Variants in UGT1A3 observed in about 807,000 individuals in gnomAD.
UGT1A3 encodes UDP glucuronosyltransferase family 1 member A3, also known as UDP-glucuronosyltransferase 1A3.
A neutral mutation model predicts 41.0 loss-of-function variants in UGT1A3; 31 were observed. The ratio of observed to expected loss-of-function variants is 0.76; its 90% confidence interval spans 0.57 to 1.02. The LOEUF (loss-of-function observed/expected upper bound fraction) is 1.02, where lower values mean the gene tolerates loss of function less well. Ranked by LOEUF, UGT1A3 falls within the 50% of genes least tolerant of loss-of-function variation. The probability of loss-of-function intolerance (pLI) is 0.00; values close to 1 mark genes in which losing one functional copy is unlikely to be tolerated. For synonymous variants in UGT1A3, 262 were observed against 257.6 expected (o/e 1.02, Z -0.17); for missense variants, 737 against 671.0 (o/e 1.10, Z -1.09).
At chr2:233,740,826 G>C (rs1278219127) in intron 1 of UGT1A3, 2 of 151,802 alleles carry the variant, frequency 1.3e-5, no homozygotes, top group Non-Finnish European at 2.9e-5. Flanking sequence ...TTTGAGCTGA[G>C]ACATTTTAAA....
At chr2:233,754,325 C>T (rs537557157) in intron 1 of UGT1A3, 54 of 246,030 alleles carry the variant, frequency 2.2e-4, no homozygotes, top group African/African-American at 1.1e-3. Flanking sequence ...CTGCCTCAGG[C>T]TTAAGTTTAA....
chr2:233,757,608 A>G (rs1273740652), intron 1 of UGT1A3, among the ~76,000 whole-genome samples: 6 of 144,098 alleles, frequency 4.2e-5, no homozygotes, highest in Non-Finnish European at 9.0e-5. Flanking sequence ...AGATATGCAA[A>G]CTGCTAAAAG....
intron 1 of UGT1A3, chr2:233,760,886 A>C (rs1453639780): frequency 8.7e-6 from 14 of 1,613,816 alleles, no homozygotes; most frequent in Non-Finnish European, 1.1e-5. Flanking sequence ...CTCTCCTCTC[A>C]TTCAGATCAC....
intron 1 of UGT1A3, among the ~76,000 whole-genome samples, chr2:233,733,067 T>G (rs1039618890): frequency 2.0e-5 from 3 of 152,180 alleles, no homozygotes; most frequent in Non-Finnish European, 4.4e-5. Flanking sequence ...ATTCTCTTTG[T>G]AGCAATTGTG....
At chr2:233,742,777 T>A (rs1286853753) in intron 1 of UGT1A3, 2 of 153,196 alleles carry the variant, frequency 1.3e-5, no homozygotes, top group African/African-American at 4.8e-5. Context: ...CATGTTGTTT[T>A]GAACCATCAT....
rs34036745 is a variant in UGT1A3, at chr2:233,769,465, G to T, written c.1307+1026G>T. On this transcript the variant is annotated intron_variant, in intron 4 of 4. Transcript: ENST00000482026. The surrounding 1 kb of genome is among the most constrained non-coding windows in gnomAD (Gnocchi z 4.4). Reference sequence around the variant, plus strand: ...GGTGCACACGTGTGCATTCATATGCGTGTGTGTGTGTGTGCGTGTGTTTAT... The same window carrying T: ...GGTGCACACGTGTGCATTCATATGCTTGTGTGTGTGTGTGCGTGTGTTTAT... 1.5e-6 allele frequency: 2 copies of T among 1,316,538 alleles called. No homozygotes were observed. Among genetic ancestry groups the T allele is most frequent in the Non-Finnish European group, 2.1e-6 (2 of 963,564 alleles). 81.6% of individuals were successfully genotyped at this position (1,316,538 alleles called of 1,614,324 possible).
chr2:233,772,368 G>C lies in UGT1A3; in HGVS notation c.1414G>C (p.Ala472Pro). Reference protein sequence around the residue: ...WVEFVMRHKGAPHLRPAAHDL... With the variant: ...WVEFVMRHKGPPHLRPAAHDL... Reference sequence around the variant, plus strand: ...GGAGTTTGTGATGAGGCACAAGGGCGCGCCACACCTGCGCCCCGCAGCCCA... The same window carrying C: ...GGAGTTTGTGATGAGGCACAAGGGCCCGCCACACCTGCGCCCCGCAGCCCA... Residue 472 changes from alanine (A) to proline (P), a missense_variant, in exon 5 of 5, where the codon GCG (alanine) becomes CCG (proline). Coordinates refer to ENST00000482026, the MANE Select transcript of UGT1A3 (RefSeq NM_019093.4). 6.2e-7 allele frequency: 1 copy of C among 1,614,220 alleles called. No homozygotes were observed. The highest frequency in any genetic ancestry group is 1.1e-5 in the South Asian group (1 of 91,078).
Position 233,751,308 on chromosome 2 carries a change from C to T in UGT1A3, c.868-15726C>T, listed in dbSNP as rs184289670. ...CCCATTTGGAATGGGAATATTTACC[C>T]AATTTCTGTACCCCCATTGTGTCTT... On this transcript the variant is annotated intron_variant, in intron 1 of 4. Coordinates refer to ENST00000482026, the MANE Select transcript of UGT1A3 (RefSeq NM_019093.4). Among the ~76,000 whole-genome samples the T allele has an allele frequency of 1.2e-3, 189 of 152,106 alleles. 2 individuals carry two copies. Among genetic ancestry groups the T allele is most frequent in the African/African-American group, 4.3e-3 (176 of 41,336 alleles).
chr2:233,747,574 CT>C, intron 1 of UGT1A3: 1 of 1,587,022 alleles, frequency 6.3e-7, no homozygotes, highest in Non-Finnish European at 8.7e-7. Flanking sequence ...AAAAATTCAT[CT>C]TTGGTCTTTC....
chr2:233,745,697 C>A (rs1481234082), intron 1 of UGT1A3, among the ~76,000 whole-genome samples: 2 of 147,560 alleles, frequency 1.4e-5, no homozygotes, highest in African/African-American at 5.1e-5. Flanking sequence ...GTTTGGAGAA[C>A]AACAAGTGAT....
intron 1 of UGT1A3, among the ~76,000 whole-genome samples, chr2:233,745,825 G>A (rs1307073963): frequency 2.0e-5 from 3 of 151,398 alleles, no homozygotes; most frequent in Non-Finnish European, 2.9e-5. Context: ...GCAAGGCAGA[G>A]GACTCTGAAT....
In UGT1A3 at chr2:233,768,243, A is replaced by G. The variant is rs748989741; in HGVS notation, c.1111A>G (p.Ile371Val). 8 of 1,614,146 alleles carry G rather than the reference A, an allele frequency of 5.0e-6. No individual in the cohort carries two copies. In the South Asian group the frequency reaches 7.7e-5, roughly 16 times the overall value. Residue 371 changes from isoleucine (I) to valine (V), a missense_variant, in exon 4 of 5, where the codon ATC (isoleucine) becomes GTC (valine). Ile to Val is a conservative substitution (Grantham distance 29). Transcript: ENST00000482026. ...LLGHPMTRAF[I>V]THAGSHGVYE... is the part of the protein sequence containing the mutation. ...AGGTCACCCGATGACCCGTGCCTTT[A>G]TCACCCATGCTGGTTCCCATGGTGT...
At chr2:233,760,549 G>A (rs2125985791) in intron 1 of UGT1A3, 1 of 1,614,268 alleles carries the variant, frequency 6.2e-7, no homozygotes, top group Non-Finnish European at 8.5e-7. Context: ...AAGGGAGGAT[G>A]TGAAAGAGTC....
At chr2:233,740,309 G>A (rs1460267947) in intron 1 of UGT1A3, among the ~76,000 whole-genome samples, 2 of 151,928 alleles carry the variant, frequency 1.3e-5, no homozygotes, top group African/African-American at 4.9e-5. Context: ...CTGAGAAAAG[G>A]AAATGAATCT....
intron 1 of UGT1A3, among the ~76,000 whole-genome samples, chr2:233,752,750 C>CAA (rs1695052572): frequency 6.6e-6 from 1 of 151,980 alleles, no homozygotes; most frequent in Non-Finnish European, 1.5e-5. Context: ...GTCTCTAAAA[C>CAA]AAACAAACAA....
In UGT1A3 at chr2:233,752,546, T is replaced by C. The variant is rs530394828; in HGVS notation, c.868-14488T>C. ...TAAAAATTCTTTAAATAAAATGCTC[T>C]TGCTGGGACAACATAGTGGGTCAAC... is the stretch of plus-strand genomic sequence containing the variant. On this transcript the variant is annotated intron_variant, in intron 1 of 4. Coordinates refer to ENST00000482026, the MANE Select transcript of UGT1A3 (RefSeq NM_019093.4). The C allele has an allele frequency of 2.0e-5, 3 of 152,346 alleles. No homozygotes were observed. The East Asian group carries it at 5.8e-4, about 29-fold the overall frequency. The allele number at this position is 152,346 out of a possible 1,614,324, so 9.4% of individuals were successfully genotyped here.
At chr2:233,752,907 C>T (rs1171888690) in intron 1 of UGT1A3, among the ~76,000 whole-genome samples, 1 of 152,232 alleles carries the variant, frequency 6.6e-6, no homozygotes, top group East Asian at 1.9e-4. Flanking sequence ...ACAGATCCAC[C>T]TCTGAGTGAC....
intron 1 of UGT1A3, among the ~76,000 whole-genome samples, chr2:233,759,231 T>G (rs911541986): frequency 6.6e-6 from 1 of 152,228 alleles, no homozygotes; most frequent in African/African-American, 2.4e-5. Context: ...AAATGAAGGA[T>G]GGAAACTTGC....
intron 1 of UGT1A3, among the ~76,000 whole-genome samples, chr2:233,734,079 A>C (rs1004495311): frequency 1.5e-4 from 23 of 152,156 alleles, no homozygotes; most frequent in African/African-American, 5.6e-4. Context: ...CACATTGTGC[A>C]CATGCACCCT....
Sources: allele counts gnomAD v4.1 joint callset (sites outside exome capture counted in the v4.1 genomes callset), GRCh38; gene constraint gnomAD v4.1.1; non-coding constraint Gnocchi (gnomAD v3.1); transcripts MANE v1.5; gene names NCBI Gene and HGNC (gene_info 2026-07-23, HGNC 2026-07-21).